METTL4: variants seen among roughly 807,000 people sequenced by gnomAD.
METTL4 encodes methyltransferase 4, N6-adenosine.
METTL4 carries 40 observed loss-of-function variants against 54.0 expected under a neutral mutation model. That is an observed-to-expected ratio of 0.74 (90% CI 0.58 to 0.96). METTL4 has a LOEUF of 0.96. METTL4 is among the 50% of genes least tolerant of loss of function. The pLI is 0.00. For synonymous variants in METTL4, 169 were observed against 183.8 expected, an observed-to-expected ratio of 0.92 and a Z score of 0.65; for missense variants, 525 against 549.0, an observed-to-expected ratio of 0.96 and a Z score of 0.44.
chr18:2,547,464 C>T lies in METTL4; in HGVS notation c.965G>A (p.Cys322Tyr), dbSNP rs1321618346. ...IPIPKLAAPN[C>Y]LLVTWVTNRQ... is the part of the protein sequence containing the mutation. ...ATTGGTCACCCAAGTAACAAGAAGACAGTTTGGAGCAGCCAATTTAGGGAT... is the reference window on the plus strand; with the variant it reads ...ATTGGTCACCCAAGTAACAAGAAGATAGTTTGGAGCAGCCAATTTAGGGAT... The change falls in exon 6 of 9, where the codon TGT becomes TAT. Residue 322 changes from cysteine to tyrosine, a missense_variant. Cys to Tyr is a radical substitution (Grantham distance 194). Coordinates refer to ENST00000574538, the MANE Select transcript of METTL4 (RefSeq NM_022840.5). The T allele has an allele frequency of 2.5e-6, 4 of 1,611,678 alleles. No individual in the cohort carries two copies. In the South Asian group the frequency reaches 3.3e-5, roughly 13 times the overall value.
chr18:2,551,682 T>C (rs1218273521), intron 5 of METTL4, among the ~76,000 whole-genome samples: 1 of 150,072 alleles, frequency 6.7e-6, no homozygotes, highest in Non-Finnish European at 1.5e-5. Context: ...GGCAACAGAG[T>C]GAGACCCTAT....
rs1347964267 is a variant in METTL4 at position 2,537,534 on chromosome 18, G to A, written c.*1466C>T. On this transcript the variant is annotated 3_prime_UTR_variant, in exon 9 of 9. Coordinates refer to ENST00000574538, the MANE Select transcript of METTL4 (RefSeq NM_022840.5). ...CTGGAAAGAATTCAAATGAGATCATGAGAAGTTTGCTTCAAGTTTAATACC... is the reference window on the plus strand; with the variant it reads ...CTGGAAAGAATTCAAATGAGATCATAAGAAGTTTGCTTCAAGTTTAATACC... The A allele has an allele frequency of 1.6e-5, 3 of 191,016 alleles. No individual in the cohort carries two copies. The highest frequency in any genetic ancestry group is 3.2e-5 in the Non-Finnish European group (3 of 94,318). The allele number at this position is 191,016 out of a possible 1,614,324, so 11.8% of individuals were successfully genotyped here.
At position 2,542,374 on chromosome 18, in the gene METTL4, A is replaced by T. The variant is rs1226232945; in HGVS notation, c.1273+1821T>A. ...CTCCCCCCTCCCCCCACCCCACAAC[A>T]GTCCCCAGAGTGTGATGTTCCCCTT... On this transcript the variant is annotated intron_variant, in intron 8 of 8. Coordinates refer to ENST00000574538, the MANE Select transcript of METTL4 (RefSeq NM_022840.5). Among the ~76,000 whole-genome samples the T allele has an allele frequency of 1.5e-4, 18 of 117,380 alleles. No homozygotes were observed. In the Admixed American group the frequency reaches 1.9e-3, roughly 12 times the overall value. 77.0% of individuals were successfully genotyped at this position (117,380 alleles called of 152,430 possible). A position where few individuals can be genotyped will look rare whatever the true frequency, so the allele number is the denominator to read the frequency against.
intron 5 of METTL4, among the ~76,000 whole-genome samples, chr18:2,551,441 A>T (rs1044885511): frequency 1.3e-5 from 2 of 151,964 alleles, no homozygotes; most frequent in Non-Finnish European, 2.9e-5. Flanking sequence ...GATGGCTCAC[A>T]CTTGTAATCT....
intron 4 of METTL4, chr18:2,553,430 C>T (rs949662623): frequency 4.6e-5 from 7 of 152,112 alleles, no homozygotes; most frequent in African/African-American, 1.7e-4. Context: ...CCTGCCATGC[C>T]CTATCAGTGC....
At chr18:2,547,120 T>C (rs2072080936) in intron 6 of METTL4, among the ~76,000 whole-genome samples, 1 of 152,158 alleles carries the variant, frequency 6.6e-6, no homozygotes, top group African/African-American at 2.4e-5. Context: ...TATCCTGATA[T>C]CTTCCAGACT....
chr18:2,546,876 G>T (rs535902388), intron 6 of METTL4, among the ~76,000 whole-genome samples: 1 of 152,150 alleles, frequency 6.6e-6, no homozygotes, highest in South Asian at 2.1e-4. Flanking sequence ...AGCATAAAAG[G>T]TTCTTGGTTC....
chr18:2,539,113 C>A lies in METTL4; in HGVS notation c.1306G>T (p.Glu436Ter), dbSNP rs1184971565. 3 of 1,613,806 alleles carry A rather than the reference C, an allele frequency of 1.9e-6. No individual in the cohort carries two copies. Among genetic ancestry groups the A allele is most frequent in the African/African-American group, 1.3e-5 (1 of 74,908 alleles). ...VLKDYIKPDG[E>*]YLELFARNLQ... is the part of the protein sequence containing the mutation. ...TTTCGAGCAAACAACTCCAAATATT[C>A]CCCATCTGGCTTGATGTAGTCTTTT... Residue 436 changes from glutamate to a stop codon, truncating the protein, a stop_gained, in exon 9 of 9, where the codon GAA becomes TAA. Coordinates refer to ENST00000574538, the MANE Select transcript of METTL4 (RefSeq NM_022840.5). LOFTEE classifies it high-confidence loss of function.
intron 8 of METTL4, among the ~76,000 whole-genome samples, chr18:2,542,276 T>C (rs1294131534): frequency 5.3e-5 from 8 of 151,838 alleles, no homozygotes; most frequent in Non-Finnish European, 1.2e-4. Flanking sequence ...TACATATGTA[T>C]ACATGTGCCA....
intron 8 of METTL4, chr18:2,540,141 A>G (rs371826657): frequency 2.0e-6 from 2 of 985,058 alleles, no homozygotes; most frequent in Non-Finnish European, 2.4e-6. Context: ...GCTGTAGGCT[A>G]AAGAGCTGTT....
At chr18:2,547,830 A>G (rs1238118658) in intron 5 of METTL4, among the ~76,000 whole-genome samples, 1 of 152,142 alleles carries the variant, frequency 6.6e-6, no homozygotes, top group Non-Finnish European at 1.5e-5. Context: ...TTCAAAATTA[A>G]GCAAATATTG....
intron 8 of METTL4, among the ~76,000 whole-genome samples, chr18:2,542,200 AT>A (rs149032135): frequency 0.26 from 38,785 of 150,290 alleles, 5,323 homozygotes; most frequent in African/African-American, 0.35. Flanking sequence ...GGCAAGACTC[AT>A]TTTTTTTTTC....
intron 3 of METTL4, 32 bp from the exon 4 acceptor site, chr18:2,555,070 C>G: frequency 6.3e-7 from 1 of 1,590,306 alleles, no homozygotes; most frequent in Non-Finnish European, 8.5e-7. Flanking sequence ...ATTAAAAGAA[C>G]GTTGACATTA....
At chr18:2,565,637 A>G (rs2072397823) in intron 2 of METTL4, among the ~76,000 whole-genome samples, 1 of 152,192 alleles carries the variant, frequency 6.6e-6, no homozygotes, top group Admixed American at 6.5e-5. Flanking sequence ...CGTATTTAAT[A>G]TCTTTCTTCT....
At chr18:2,549,388 G>C (rs1018258633) in intron 5 of METTL4, among the ~76,000 whole-genome samples, 2 of 152,120 alleles carry the variant, frequency 1.3e-5, no homozygotes, top group African/African-American at 2.4e-5. Flanking sequence ...AGGGAGGAGA[G>C]AGTAAGAAGA....
chr18:2,544,308 G>A, intron 7 of METTL4, 22 bp from the exon 8 acceptor site: 1 of 1,558,436 alleles, frequency 6.4e-7, no homozygotes, highest in Non-Finnish European at 8.7e-7. Context: ...GAACAAGAAA[G>A]TAAACTATAT....
chr18:2,541,745 T>TA (rs11434085), intron 8 of METTL4, among the ~76,000 whole-genome samples: 125,079 of 148,406 alleles, frequency 0.84, 52,707 homozygotes, highest in East Asian at 1. Flanking sequence ...CAATTAAACT[T>TA]AAAAAAAAAA....
intron 3 of METTL4, among the ~76,000 whole-genome samples, chr18:2,557,695 C>A (rs1189051167): frequency 2.0e-5 from 3 of 152,154 alleles, no homozygotes; most frequent in African/African-American, 7.2e-5. Flanking sequence ...GCATGCACAG[C>A]ATCTAACTAT....
chr18:2,542,256 G>A (rs1203253923), intron 8 of METTL4, among the ~76,000 whole-genome samples: 1 of 151,324 alleles, frequency 6.6e-6, no homozygotes, highest in African/African-American at 2.4e-5. Context: ...TGCACATTGT[G>A]CAGGTTAGTT....
Sources: gnomAD v4.1 joint callset for allele counts (sites outside exome capture counted in the v4.1 genomes callset) on GRCh38, gnomAD v4.1.1 for gene constraint, MANE v1.5 for transcripts, NCBI Gene and HGNC (gene_info 2026-07-23, HGNC 2026-07-21) for gene names.